Variants in ZNF410 observed in about 807,000 individuals in gnomAD.
ZNF410 encodes another partner for ARF 1.
ZNF410 carries 18 observed loss-of-function variants against 54.8 expected under a neutral mutation model. That is an observed-to-expected ratio of 0.33 (90% CI 0.23 to 0.49). The LOEUF (loss-of-function observed/expected upper bound fraction) is 0.49. ZNF410 is among the 20% of genes least tolerant of loss of function. ZNF410 has a pLI of 0.99. For synonymous variants in ZNF410, 191 were observed against 207.3 expected (o/e 0.92, Z 0.68); for missense variants, 405 against 569.6 (o/e 0.71, Z 2.94).
intron 8 of ZNF410, among the ~76,000 whole-genome samples, chr14:73,916,975 G>A (rs1284911152): frequency 2.6e-5 from 4 of 152,176 alleles, no homozygotes; most frequent in Middle Eastern, 3.4e-3. Flanking sequence ...GCGAGACTGC[G>A]TCTCAAAAAA....
chr14:73,918,652 T>G (rs1444949075), intron 8 of ZNF410, among the ~76,000 whole-genome samples: 1 of 151,202 alleles, frequency 6.6e-6, no homozygotes, highest in Non-Finnish European at 1.5e-5. Context: ...GCTTTCTGTG[T>G]CTGGATTTGC....
chr14:73,891,660 A>G (rs1460427230), intron 1 of ZNF410, among the ~76,000 whole-genome samples: 1 of 152,128 alleles, frequency 6.6e-6, no homozygotes, highest in Non-Finnish European at 1.5e-5. Flanking sequence ...AACCCTTCAC[A>G]GCATATTTTG....
At chr14:73,898,791 A>G (rs184522464) in intron 5 of ZNF410, among the ~76,000 whole-genome samples, 151 of 152,318 alleles carry the variant, frequency 9.9e-4, no homozygotes, top group African/African-American at 1.4e-3. Context: ...TCAGTTCAGC[A>G]TGCCTATACT....
At chr14:73,891,039 C>T (rs979110558) in intron 1 of ZNF410, among the ~76,000 whole-genome samples, 5 of 151,700 alleles carry the variant, frequency 3.3e-5, no homozygotes, top group Admixed American at 6.6e-5. Flanking sequence ...AGAGAACAGC[C>T]GCATCAGGGT....
At chr14:73,920,737 A>G (rs1349983835) in intron 8 of ZNF410, 2 of 446,214 alleles carry the variant, frequency 4.5e-6, no homozygotes, top group East Asian at 4.2e-5. Flanking sequence ...TTGTGAAGGC[A>G]GCATTACAGA....
chr14:73,931,493 T>C lies in ZNF410; in HGVS notation c.1399-10T>C, dbSNP rs1324474203. 1 of 1,606,756 alleles carries C rather than the reference T, an allele frequency of 6.2e-7. No individual in the cohort carries two copies. The highest frequency in any genetic ancestry group is 1.3e-5 in the African/African-American group (1 of 74,348). On this transcript the variant is annotated splice_polypyrimidine_tract_variant and intron_variant, in intron 11 of 11. Coordinates refer to ENST00000555044, the MANE Select transcript of ZNF410 (RefSeq NM_021188.3). ...TAACCTATTCTAGATTTGCTTTCAA[T>C]CTTTTACAGTTACTAAACCAAGGAG... is the stretch of plus-strand genomic sequence containing the variant.
intron 1 of ZNF410, among the ~76,000 whole-genome samples, chr14:73,890,810 C>T (rs1019151650): frequency 1.3e-5 from 2 of 151,918 alleles, no homozygotes; most frequent in African/African-American, 2.4e-5. Flanking sequence ...GTTGGGAGTT[C>T]GAGACCAGCC....
chr14:73,922,179 A>G lies in ZNF410; in HGVS notation c.1243A>G (p.Thr415Ala), dbSNP rs776400440. 6.2e-7 allele frequency: 1 copy of G among 1,613,878 alleles called. No individual in the cohort carries two copies. Among genetic ancestry groups the G allele is most frequent in the Non-Finnish European group, 8.5e-7 (1 of 1,179,958 alleles). The stretch of plus-strand genomic sequence containing the variant: ...TGGAGAGTCCTTGAACCTACCAAAT[A>G]CCAATTCTATCCTGGGAGTTGATGA... ...LGGESLNLPN[T>A]NSILGVDDEV... Residue 415 changes from threonine to alanine, a missense_variant, in exon 10 of 12, where the codon ACC becomes GCC. Physicochemically the swap from Thr to Ala is moderately conservative, Grantham distance 58. Around this residue, in one of 3 missense-constraint regions of ZNF410, gnomAD observed 127 missense variants for 141.3 expected, o/e 0.90. Coordinates refer to ENST00000555044, the MANE Select transcript of ZNF410 (RefSeq NM_021188.3).
intron 1 of ZNF410, among the ~76,000 whole-genome samples, chr14:73,889,794 A>G (rs1412013594): frequency 1.5e-5 from 2 of 129,836 alleles, no homozygotes; most frequent in East Asian, 2.3e-4. Context: ...GTAAATGGTT[A>G]GTTTTTTTTT....
At chr14:73,901,360 C>T (rs554028749) in intron 5 of ZNF410, among the ~76,000 whole-genome samples, 2 of 151,700 alleles carry the variant, frequency 1.3e-5, no homozygotes, top group Non-Finnish European at 2.9e-5. Flanking sequence ...CACTGGAGGT[C>T]AGGAGTTCAA....
chr14:73,914,637 T>TC (rs2055635774), intron 8 of ZNF410: 1 of 148,244 alleles, frequency 6.7e-6, no homozygotes, highest in Non-Finnish European at 1.5e-5. Flanking sequence ...TTTTTTTTTT[T>TC]TTTTTTTTGG....
intron 8 of ZNF410, among the ~76,000 whole-genome samples, chr14:73,910,961 G>A (rs560507901): frequency 3.9e-5 from 6 of 152,074 alleles, no homozygotes; most frequent in African/African-American, 1.4e-4. Context: ...TTAGAAAAAT[G>A]TTGGATGATG....
intron 3 of ZNF410, chr14:73,895,195 A>G (rs939694267): frequency 1.3e-5 from 2 of 152,156 alleles, no homozygotes; most frequent in African/African-American, 2.4e-5. Context: ...TAAACAAACA[A>G]TAATTAAGGA....
chr14:73,921,200 C>G, intron 9 of ZNF410, 95 bp downstream of exon 9: 1 of 1,537,770 alleles, frequency 6.5e-7, no homozygotes, highest in Non-Finnish European at 8.8e-7. Context: ...TTTTCTGATT[C>G]TGTTTTGGGT....
rs746859689 is a variant in ZNF410, at chr14:73,892,081, C to T, written c.-95C>T. On this transcript the variant is annotated 5_prime_UTR_variant, in exon 2 of 12. Coordinates refer to ENST00000555044, the MANE Select transcript of ZNF410 (RefSeq NM_021188.3). ...TCTTACGGGAAGAGCATAGTATTTCCTAGAGGAATATGAACATAACAGGAA... is the reference window on the plus strand; with the variant it reads ...TCTTACGGGAAGAGCATAGTATTTCTTAGAGGAATATGAACATAACAGGAA... 22 of 1,329,034 alleles carry T rather than the reference C, an allele frequency of 1.7e-5. No homozygotes were observed. Among genetic ancestry groups the T allele is most frequent in the Non-Finnish European group, 2.0e-5 (18 of 920,362 alleles). 82.3% of individuals were successfully genotyped at this position (1,329,034 alleles called of 1,614,324 possible).
chr14:73,928,815 G>A (rs2055870962), intron 11 of ZNF410, among the ~76,000 whole-genome samples: 1 of 152,122 alleles, frequency 6.6e-6, no homozygotes, highest in Admixed American at 6.6e-5. Flanking sequence ...AGGCATAGTG[G>A]TGCATACCTG....
At chr14:73,911,240 C>T (rs1345674371) in intron 8 of ZNF410, among the ~76,000 whole-genome samples, 1 of 152,064 alleles carries the variant, frequency 6.6e-6, no homozygotes, top group Non-Finnish European at 1.5e-5. Flanking sequence ...TTAATCAGAG[C>T]AGAGGCTTGC....
chr14:73,925,673 C>G (rs1414945643), intron 11 of ZNF410, among the ~76,000 whole-genome samples: 1 of 152,118 alleles, frequency 6.6e-6, no homozygotes, highest in Non-Finnish European at 1.5e-5. Flanking sequence ...AGTGATCCAC[C>G]CGCCTCAGCC....
At chr14:73,894,597 T>A (rs2055283765) in intron 3 of ZNF410, among the ~76,000 whole-genome samples, 1 of 152,006 alleles carries the variant, frequency 6.6e-6, no homozygotes, top group Non-Finnish European at 1.5e-5. Context: ...TGGCTAATTT[T>A]TGCATTTTTA....
Sources: allele counts gnomAD v4.1 joint callset (sites outside exome capture counted in the v4.1 genomes callset), GRCh38; gene constraint gnomAD v4.1.1; regional missense constraint gnomAD v4.1.1; transcripts MANE v1.5; gene names NCBI Gene and HGNC (gene_info 2026-07-23, HGNC 2026-07-21).